The following DCC variants were observed in gnomAD, a reference collection of about 807,000 sequenced individuals.
DCC encodes the protein netrin receptor DCC.
In DCC, 58 loss-of-function variants were observed where a neutral mutation model predicts 172.5. That is an observed-to-expected ratio of 0.34 (90% confidence interval 0.27 to 0.42). DCC has a LOEUF of 0.42. Ranked by LOEUF, DCC falls within the 10% of genes least tolerant of loss-of-function variation. The probability of loss-of-function intolerance (pLI) is 1.00; values close to 1 mark genes in which losing one functional copy is unlikely to be tolerated. For synonymous variants in DCC, 709 were observed against 644.5 expected (o/e 1.10, Z -1.52); for missense variants, 1,740 against 1,791.0 (o/e 0.97, Z 0.51).
At chr18:52,805,496 G>A (rs2038068982) in intron 2 of DCC, among the ~76,000 whole-genome samples, 1 of 152,210 alleles carries the variant, frequency 6.6e-6, no homozygotes, top group South Asian at 2.1e-4. Context: ...GTAGGGAGGA[G>A]AGAGAAGAGC....
chr18:52,925,982 T>C (rs1293073557), intron 5 of DCC, among the ~76,000 whole-genome samples: 5 of 151,874 alleles, frequency 3.3e-5, no homozygotes, highest in Admixed American at 6.6e-5. Flanking sequence ...ATGGCAGTTA[T>C]TCAAACAAAC....
intron 12 of DCC, among the ~76,000 whole-genome samples, chr18:53,254,910 C>G (rs931361189): frequency 3.3e-5 from 5 of 152,028 alleles, no homozygotes; most frequent in Admixed American, 6.6e-5. Context: ...CCTAATTTAA[C>G]ACACCTTAGG....
At chr18:52,435,644 C>T (rs1987768600) in intron 1 of DCC, among the ~76,000 whole-genome samples, 1 of 152,162 alleles carries the variant, frequency 6.6e-6, no homozygotes, top group Non-Finnish European at 1.5e-5. Context: ...CTGGCCTTTC[C>T]TCCTGGGCCA....
In DCC at chr18:53,066,064, A is replaced by G; in HGVS notation, c.1159A>G (p.Ile387Val). ...TCCCTAGGGAGGAAGCAACTTACGG[A>G]TACTTGGGGTGGTGAAGTCAGATGA... ...FQIVGGSNLR[I>V]LGVVKSDEGF... Residue 387 changes from isoleucine to valine, a missense_variant, in exon 7 of 29, where the codon ATA becomes GTA. Physicochemically the swap from Ile to Val is conservative, Grantham distance 29. This residue lies in a region of DCC where 1,732 missense variants were observed against 1,767.4 expected (regional missense o/e 0.98). Coordinates refer to ENST00000442544, the MANE Select transcript of DCC (RefSeq NM_005215.4). The G allele has an allele frequency of 1.9e-6, 3 of 1,613,264 alleles. No homozygotes were observed. The highest frequency in any genetic ancestry group is 2.5e-6 in the Non-Finnish European group (3 of 1,179,556).
At chr18:52,881,864 A>C (rs1328394348) in intron 2 of DCC, among the ~76,000 whole-genome samples, 1 of 152,092 alleles carries the variant, frequency 6.6e-6, no homozygotes, top group African/African-American at 2.4e-5. Context: ...GATAGGGATT[A>C]CATTGAATCT....
intron 2 of DCC, among the ~76,000 whole-genome samples, chr18:52,855,459 G>A (rs1426432543): frequency 2.0e-5 from 3 of 152,058 alleles, no homozygotes; most frequent in South Asian, 2.1e-4. Context: ...ACATAATGCC[G>A]TATTTTGTCG....
chr18:53,073,419 G>A (rs2042682189), intron 7 of DCC, among the ~76,000 whole-genome samples: 1 of 152,100 alleles, frequency 6.6e-6, no homozygotes, highest in South Asian at 2.1e-4. Flanking sequence ...CAGCTACTTG[G>A]GAGGCTGAGG....
chr18:52,810,153 T>C (rs1344109493), intron 2 of DCC, among the ~76,000 whole-genome samples: 3 of 152,156 alleles, frequency 2.0e-5, no homozygotes, highest in Non-Finnish European at 4.4e-5. Context: ...AGTCACCAAA[T>C]TTTAATTTTC....
At chr18:52,699,334 C>T (rs541937888) in intron 1 of DCC, among the ~76,000 whole-genome samples, 5 of 152,068 alleles carry the variant, frequency 3.3e-5, no homozygotes, top group Non-Finnish European at 7.4e-5. Context: ...TGGTCTCATG[C>T]TAGGAGCTCA....
At chr18:52,990,369 C>T (rs2041365252) in intron 5 of DCC, among the ~76,000 whole-genome samples, 1 of 151,646 alleles carries the variant, frequency 6.6e-6, no homozygotes, top group African/African-American at 2.4e-5. Context: ...GCAGAAACCC[C>T]GTCTCTACTA....
chr18:53,296,864 T>C (rs1271202696), intron 12 of DCC, among the ~76,000 whole-genome samples: 1 of 152,214 alleles, frequency 6.6e-6, no homozygotes, highest in Non-Finnish European at 1.5e-5. Context: ...CAAGGCATTC[T>C]TACTTGCTGC....
chr18:53,350,823 G>C (rs947270201), intron 15 of DCC, among the ~76,000 whole-genome samples: 4 of 151,968 alleles, frequency 2.6e-5, no homozygotes, highest in African/African-American at 9.7e-5. Flanking sequence ...ACCACACAGT[G>C]ATGCTCAGTT....
At chr18:53,015,302 T>G (rs1250356138) in intron 5 of DCC, among the ~76,000 whole-genome samples, 1 of 152,020 alleles carries the variant, frequency 6.6e-6, no homozygotes, top group African/African-American at 2.4e-5. Context: ...GAACAGAGAG[T>G]TTTAGAATGA....
At position 53,461,074 on chromosome 18, in the gene DCC, G is replaced by A. The variant is rs1365705742; in HGVS notation, c.3619+1616G>A. Among the ~76,000 whole-genome samples the A allele has an allele frequency of 2.6e-5, 4 of 152,178 alleles. No individual in the cohort carries two copies. The East Asian group carries it at 7.7e-4, about 29-fold the overall frequency. On this transcript the variant is annotated intron_variant, in intron 24 of 28. Transcript: ENST00000442544. ...TCATGTGTTTTTTGGCTGCATAAAT[G>A]TCTTCTTTTGAGAAGTGTCTGTTCA...
chr18:53,311,624 T>C (rs553460371), intron 13 of DCC, among the ~76,000 whole-genome samples: 1 of 152,362 alleles, frequency 6.6e-6, no homozygotes, highest in African/African-American at 2.4e-5. Flanking sequence ...TAAAAGATAA[T>C]TAACATTAAA....
At chr18:53,350,956 G>A (rs2057784801) in intron 15 of DCC, among the ~76,000 whole-genome samples, 1 of 151,386 alleles carries the variant, frequency 6.6e-6, no homozygotes. Flanking sequence ...AAGTGAGCGG[G>A]GATAAGAAAA....
At chr18:53,428,469 AAT>A (rs1568126120) in intron 21 of DCC, among the ~76,000 whole-genome samples, 4 of 61,956 alleles carry the variant, frequency 6.5e-5, no homozygotes, top group African/African-American at 1.7e-4. Context: ...TATATTATAT[AAT>A]ATATAATATA....
At chr18:52,748,967 C>A (rs1047883374) in intron 1 of DCC, among the ~76,000 whole-genome samples, 37 of 152,164 alleles carry the variant, frequency 2.4e-4, no homozygotes, top group African/African-American at 7.7e-4. Context: ...GAGGCTGAGG[C>A]AGGTGGAACA....
At chr18:53,043,831 A>G (rs1378193131) in intron 5 of DCC, among the ~76,000 whole-genome samples, 2 of 151,920 alleles carry the variant, frequency 1.3e-5, no homozygotes, top group Non-Finnish European at 2.9e-5. Context: ...TTCTGTGGAT[A>G]AATAAAAACC....
Sources: gnomAD v4.1 joint callset for allele counts (sites outside exome capture counted in the v4.1 genomes callset) on GRCh38, gnomAD v4.1.1 for gene constraint, gnomAD v4.1.1 regional missense constraint, MANE v1.5 for transcripts, NCBI Gene and HGNC (gene_info 2026-07-23, HGNC 2026-07-21) for gene names.